ESRRG: variants seen among roughly 807,000 people sequenced by gnomAD.
The protein encoded by ESRRG is estrogen related receptor gamma, also known as estrogen-related receptor gamma.
A neutral mutation model predicts 44.0 loss-of-function variants in ESRRG; 13 were observed. The ratio of observed to expected loss-of-function variants is 0.30; its 90% CI spans 0.19 to 0.47. The LOEUF is 0.47. Among genes scored for constraint, ESRRG ranks in the 20% least tolerant of loss-of-function variants. The pLI, the probability that ESRRG is intolerant of heterozygous loss-of-function variation, is 1.00. For synonymous variants in ESRRG, 215 were observed against 214.6 expected (o/e 1.00, Z -0.02); for missense variants, 395 against 580.6 (o/e 0.68, Z 3.29).
At chr1:216,715,900 T>C (rs1294791189) in intron 1 of ESRRG, among the ~76,000 whole-genome samples, 1 of 152,054 alleles carries the variant, frequency 6.6e-6, no homozygotes, top group Admixed American at 6.6e-5. Flanking sequence ...AAAGGAATTA[T>C]CATTTACAAA....
intron 1 of ESRRG, among the ~76,000 whole-genome samples, chr1:216,989,767 G>A (rs1168572464): frequency 6.6e-6 from 1 of 151,980 alleles, no homozygotes; most frequent in Non-Finnish European, 1.5e-5. Flanking sequence ...GGTTTCCATG[G>A]GCTTCTACCT....
chr1:216,899,201 C>T (rs1005164937), intron 2 of ESRRG, among the ~76,000 whole-genome samples: 1 of 152,194 alleles, frequency 6.6e-6, no homozygotes, highest in African/African-American at 2.4e-5. Flanking sequence ...GTACTAAAGA[C>T]ACCTGGACTT....
rs1355899425 is a variant in ESRRG at position 216,546,472 on chromosome 1, C to A, written c.862+17747G>T. Among the ~76,000 whole-genome samples, 15 of 152,162 alleles carry A rather than the reference C, an allele frequency of 9.9e-5. No individual in the cohort carries two copies. The East Asian group carries it at 2.7e-3, about 28-fold the overall frequency. On this transcript the variant is annotated intron_variant, in intron 5 of 6. Coordinates refer to ENST00000408911, the MANE Select transcript of ESRRG (RefSeq NM_001438.4). ...ATACTAGGCCGGCTTCATGGGCGTG[C>A]AAACTGCAGGAAGCCATGCTCGGTT...
chr1:216,615,467 A>G (rs2061295719), intron 3 of ESRRG, among the ~76,000 whole-genome samples: 1 of 152,140 alleles, frequency 6.6e-6, no homozygotes, highest in Non-Finnish European at 1.5e-5. Context: ...TTCCTGCATG[A>G]CGTACAATCT....
chr1:216,802,159 C>T (rs11117682), intron 2 of ESRRG, among the ~76,000 whole-genome samples: 5,761 of 152,042 alleles, frequency 0.038, 380 homozygotes, highest in African/African-American at 0.13. Flanking sequence ...GGCTGTGATG[C>T]TATGTGGAAA....
intron 2 of ESRRG, among the ~76,000 whole-genome samples, chr1:216,888,689 C>T (rs2057376812): frequency 6.6e-6 from 1 of 152,150 alleles, no homozygotes; most frequent in African/African-American, 2.4e-5. Context: ...CACCTTAACA[C>T]TTGCCCCTCA....
intron 2 of ESRRG, among the ~76,000 whole-genome samples, chr1:216,938,418 C>T (rs917568289): frequency 1.3e-5 from 2 of 152,076 alleles, no homozygotes; most frequent in Admixed American, 6.6e-5. Context: ...GATTTGGGGC[C>T]AGAACTCCAT....
intron 5 of ESRRG, among the ~76,000 whole-genome samples, chr1:216,562,761 A>ATAT (rs1016619847): frequency 1.3e-5 from 2 of 152,104 alleles, no homozygotes; most frequent in African/African-American, 4.8e-5. Flanking sequence ...AATATAAATG[A>ATAT]TATATATCAA....
intron 5 of ESRRG, among the ~76,000 whole-genome samples, chr1:216,550,610 C>G (rs116828929): frequency 2.2e-3 from 338 of 152,186 alleles, no homozygotes; most frequent in African/African-American, 7.6e-3. Flanking sequence ...ACATGGAGCC[C>G]ACACCTCTGA....
At chr1:217,122,671 T>A (rs1372082807) in intron 1 of ESRRG, among the ~76,000 whole-genome samples, 3 of 146,548 alleles carry the variant, frequency 2.0e-5, no homozygotes, top group African/African-American at 5.1e-5. Flanking sequence ...ACACTTTTTT[T>A]TTTTTTTTTT....
intron 2 of ESRRG, among the ~76,000 whole-genome samples, chr1:216,669,423 G>A (rs1034518500): frequency 1.3e-5 from 2 of 152,134 alleles, no homozygotes; most frequent in African/African-American, 2.4e-5. Flanking sequence ...AAGAAAGATT[G>A]CAATATTTTA....
chr1:216,710,416 A>G (rs2083355686), intron 1 of ESRRG, among the ~76,000 whole-genome samples: 1 of 152,180 alleles, frequency 6.6e-6, no homozygotes, highest in African/African-American at 2.4e-5. Context: ...ATAAGGCTCC[A>G]ATGTCCCAAG....
chr1:216,871,130 G>A (rs1256465378), intron 2 of ESRRG, among the ~76,000 whole-genome samples: 1 of 151,846 alleles, frequency 6.6e-6, no homozygotes, highest in Non-Finnish European at 1.5e-5. Flanking sequence ...AATGCTATAA[G>A]CTTTCCCTGT....
chr1:216,629,864 G>A (rs1344141655), intron 3 of ESRRG, among the ~76,000 whole-genome samples: 1 of 152,088 alleles, frequency 6.6e-6, no homozygotes, highest in Non-Finnish European at 1.5e-5. Flanking sequence ...GGGGGGAAAT[G>A]CCAGTTTACA....
chr1:217,112,741 A>T (rs911226128), intron 1 of ESRRG, among the ~76,000 whole-genome samples: 1 of 152,226 alleles, frequency 6.6e-6, no homozygotes, highest in Non-Finnish European at 1.5e-5. Flanking sequence ...AATGTAAGAA[A>T]TGGTTAATTA....
At chr1:216,939,461 C>T (rs1324311107) in intron 2 of ESRRG, 1 of 150,854 alleles carries the variant, frequency 6.6e-6, no homozygotes, top group Admixed American at 6.6e-5. Context: ...TAGCCAACAC[C>T]ACAATAGTAG....
At chr1:217,038,202 A>T (rs2083254016) in intron 1 of ESRRG, among the ~76,000 whole-genome samples, 1 of 152,144 alleles carries the variant, frequency 6.6e-6, no homozygotes, top group Admixed American at 6.5e-5. Flanking sequence ...CTCCAATCCC[A>T]CATTTTCCTT....
At chr1:216,688,880 A>G (rs1232675744) in intron 1 of ESRRG, among the ~76,000 whole-genome samples, 3 of 152,194 alleles carry the variant, frequency 2.0e-5, no homozygotes, top group African/African-American at 4.8e-5. Flanking sequence ...AGTGGTGTAT[A>G]TATTCAGAAA....
intron 2 of ESRRG, among the ~76,000 whole-genome samples, chr1:216,794,465 T>A (rs1315951587): frequency 6.6e-6 from 1 of 152,186 alleles, no homozygotes; most frequent in Non-Finnish European, 1.5e-5. Context: ...CCAACCCCCA[T>A]AGTCTGATAA....
Sources: gnomAD v4.1 joint callset for allele counts (sites outside exome capture counted in the v4.1 genomes callset) on GRCh38, gnomAD v4.1.1 for gene constraint, MANE v1.5 for transcripts, NCBI Gene and HGNC (gene_info 2026-07-23, HGNC 2026-07-21) for gene names.